DMD: variants seen among roughly 807,000 people sequenced by gnomAD.
The protein encoded by DMD is dystrophin, also known as mutant dystrophin.
A neutral mutation model predicts 330.1 loss-of-function variants in DMD; 63 were observed. The observed-to-expected ratio is 0.19, with a 90% CI of 0.16 to 0.24. DMD has a LOEUF of 0.24. DMD is among the 10% of genes least tolerant of loss of function. DMD has a pLI of 1.00. For synonymous variants in DMD, 1,223 were observed against 959.8 expected, an observed-to-expected ratio of 1.27 and a Z score of -5.07; for missense variants, 3,344 against 2,684.1, an observed-to-expected ratio of 1.25 and a Z score of -5.43.
intron 2 of DMD, among the ~76,000 whole-genome samples, chrX:32,961,387 A>G (rs1264041203): frequency 9.0e-6 from 1 of 110,863 alleles, no homozygotes. Flanking sequence ...TTTTTTTTAA[A>G]CCTGAATCAT....
At chrX:32,126,820 A>G (rs1859761411) in intron 44 of DMD, among the ~76,000 whole-genome samples, 1 of 111,684 alleles carries the variant, frequency 9.0e-6, no homozygotes, top group African/African-American at 3.3e-5. Flanking sequence ...ATGCTAAACC[A>G]AACAGTTTAG....
intron 57 of DMD, among the ~76,000 whole-genome samples, chrX:31,486,576 T>G (rs12687479): frequency 0.042 from 4,699 of 111,513 alleles, 95 homozygotes; most frequent in Middle Eastern, 0.088. Flanking sequence ...TGGTTTGAAC[T>G]GCTGCTTGGG....
intron 55 of DMD, among the ~76,000 whole-genome samples, chrX:31,603,497 TA>T (rs1050583608): frequency 2.7e-5 from 3 of 111,217 alleles, no homozygotes; most frequent in African/African-American, 6.5e-5. Context: ...GGGTTAGAAA[TA>T]AAAAAAGTCA....
intron 2 of DMD, among the ~76,000 whole-genome samples, chrX:32,915,934 G>C (rs1353427887): frequency 9.0e-6 from 1 of 110,811 alleles, no homozygotes; most frequent in Non-Finnish European, 1.9e-5. Context: ...CTGGGAGGTG[G>C]TCACAGCTAT....
At chrX:32,176,140 G>C (rs1360738953) in intron 44 of DMD, among the ~76,000 whole-genome samples, 1 of 112,055 alleles carries the variant, frequency 8.9e-6, no homozygotes, top group African/African-American at 3.2e-5. Flanking sequence ...TTGTCCATCA[G>C]TTCTTCTTCA....
chrX:31,786,435 T>C (rs1166944027), intron 50 of DMD, among the ~76,000 whole-genome samples: 2 of 111,840 alleles, frequency 1.8e-5, no homozygotes, highest in African/African-American at 6.5e-5. Flanking sequence ...AGTACTATAA[T>C]AAATATCATC....
intron 50 of DMD, among the ~76,000 whole-genome samples, chrX:31,789,778 A>T (rs767629443): frequency 9.0e-6 from 1 of 111,694 alleles, no homozygotes; most frequent in African/African-American, 3.2e-5. Context: ...TTATCAAGTT[A>T]TGTTACAAAA....
chrX:32,864,081 T>C (rs190977716), intron 2 of DMD, among the ~76,000 whole-genome samples: 2 of 112,832 alleles, frequency 1.8e-5, no homozygotes, highest in East Asian at 2.8e-4. Context: ...GGTCCAACTT[T>C]ATGCAATTTC....
intron 52 of DMD, among the ~76,000 whole-genome samples, chrX:31,720,065 A>C (rs7049593): frequency 0.14 from 15,283 of 111,475 alleles, 903 homozygotes; most frequent in Admixed American, 0.31. Flanking sequence ...TGATTGTTTT[A>C]CAGTAACAGG....
intron 7 of DMD, among the ~76,000 whole-genome samples, chrX:32,724,675 G>C (rs1345140257): frequency 9.0e-6 from 1 of 111,320 alleles, no homozygotes; most frequent in Non-Finnish European, 1.9e-5. Flanking sequence ...CATTAAATAA[G>C]TCTCAAGATC....
chrX:32,382,510 T>C (rs188158208), intron 33 of DMD, among the ~76,000 whole-genome samples: 88 of 111,492 alleles, frequency 7.9e-4, no homozygotes, highest in African/African-American at 2.7e-3. Flanking sequence ...CAATTCCAAT[T>C]CCAAATAATA....
chrX:31,721,767 A>G (rs1376457506), intron 52 of DMD, among the ~76,000 whole-genome samples: 1 of 92,349 alleles, frequency 1.1e-5, no homozygotes, highest in Admixed American at 1.3e-4. Flanking sequence ...TAGATACAAC[A>G]GAAGATAGAT....
At chrX:31,671,294 A>G (rs1386548532) in intron 53 of DMD, among the ~76,000 whole-genome samples, 1 of 112,260 alleles carries the variant, frequency 8.9e-6, no homozygotes, top group African/African-American at 3.2e-5. Context: ...TGAATTTTCT[A>G]TATTTATTGT....
intron 51 of DMD, among the ~76,000 whole-genome samples, chrX:31,751,283 C>G (rs1160911924): frequency 3.6e-5 from 4 of 111,553 alleles, no homozygotes; most frequent in Non-Finnish European, 7.5e-5. Context: ...GTCTTTCTGA[C>G]TCCTAAGTCT....
chrX:33,041,445 G>A, intron 1 of DMD: 1 of 1,202,522 alleles, frequency 8.3e-7, no homozygotes, highest in African/African-American at 1.7e-5. Flanking sequence ...GTGTGGTGAA[G>A]CGGTTGGTCA....
At chrX:32,479,581 G>C (rs1448502426) in intron 21 of DMD, among the ~76,000 whole-genome samples, 5 of 110,172 alleles carry the variant, frequency 4.5e-5, no homozygotes, top group Admixed American at 9.8e-5. Flanking sequence ...ATGTCCGCCA[G>C]TTCTATCTAC....
chrX:31,348,957 T>C (rs1015886764), intron 60 of DMD, among the ~76,000 whole-genome samples: 1 of 112,016 alleles, frequency 8.9e-6, no homozygotes, highest in Non-Finnish European at 1.9e-5. Flanking sequence ...ATCTTTACTT[T>C]CACAAAAACA....
chrX:31,281,963 G>A (rs1556425677), intron 62 of DMD, among the ~76,000 whole-genome samples: 1 of 103,047 alleles, frequency 9.7e-6, no homozygotes, highest in Admixed American at 9.9e-5. Context: ...ACCTTCAGTA[G>A]AGAAATGGTT....
chrX:31,638,363 A>T (rs999904415), intron 54 of DMD, among the ~76,000 whole-genome samples: 1 of 111,458 alleles, frequency 9.0e-6, no homozygotes, highest in Non-Finnish European at 1.9e-5. Flanking sequence ...TCCTCTCTGT[A>T]GTTCTACTCA....
Sources: gnomAD v4.1 joint callset for allele counts (sites outside exome capture counted in the v4.1 genomes callset) on GRCh38, gnomAD v4.1.1 for gene constraint, MANE v1.5 for transcripts, NCBI Gene and HGNC (gene_info 2026-07-23, HGNC 2026-07-21) for gene names.